The following TBC1D12 variants were observed in gnomAD, a reference collection of about 807,000 sequenced individuals.
TBC1D12 encodes the protein TBC1 domain family member 12.
TBC1D12 carries 56 observed loss-of-function variants against 86.7 expected under a neutral mutation model. The ratio of observed to expected loss-of-function variants is 0.65; its 90% CI spans 0.52 to 0.81. The LOEUF (loss-of-function observed/expected upper bound fraction) is 0.81. Ranked by LOEUF, TBC1D12 falls within the 30% of genes least tolerant of loss-of-function variation. The pLI is 0.00. For missense variants in TBC1D12, 1,023 were observed against 1,038.8 expected, an observed-to-expected ratio of 0.98 and a Z score of 0.21; for synonymous variants, 421 against 411.7, an observed-to-expected ratio of 1.02 and a Z score of -0.27.
At chr10:94,422,247 T>C (rs2055085217) in intron 1 of TBC1D12, among the ~76,000 whole-genome samples, 1 of 146,426 alleles carries the variant, frequency 6.8e-6, no homozygotes, top group Non-Finnish European at 1.5e-5. Context: ...TGGAATGCAG[T>C]GTCGCGATCT....
intron 3 of TBC1D12, among the ~76,000 whole-genome samples, chr10:94,479,377 A>G (rs1361648123): frequency 1.3e-5 from 2 of 152,042 alleles, no homozygotes; most frequent in Non-Finnish European, 2.9e-5. Context: ...ATGAAAAGGG[A>G]TATTGTAATT....
At chr10:94,421,767 T>G (rs2055077075) in intron 1 of TBC1D12, among the ~76,000 whole-genome samples, 1 of 152,258 alleles carries the variant, frequency 6.6e-6, no homozygotes, top group South Asian at 2.1e-4. Flanking sequence ...GGTTTGCATT[T>G]TCTAACAACT....
At chr10:94,410,461 G>A (rs2054915024) in intron 1 of TBC1D12, among the ~76,000 whole-genome samples, 3 of 151,888 alleles carry the variant, frequency 2.0e-5, no homozygotes, top group South Asian at 4.2e-4. Context: ...GGCTGGTGTC[G>A]AACTCCTGAG....
At chr10:94,442,084 T>A in intron 2 of TBC1D12, 65 bp downstream of exon 2, 10 of 187,214 alleles carry the variant, frequency 5.3e-5, no homozygotes, top group Non-Finnish European at 6.1e-5. Context: ...TTCTTCTTCT[T>A]TTTTTTTTTT....
chr10:94,405,800 C>T (rs543188387), intron 1 of TBC1D12, among the ~76,000 whole-genome samples: 4 of 150,044 alleles, frequency 2.7e-5, no homozygotes, highest in South Asian at 4.3e-4. Context: ...ATATACATTG[C>T]AATTTCTGAA....
rs1469759019 is a variant in TBC1D12, at chr10:94,534,605, T to C, written c.*1509T>C. On this transcript the variant is annotated 3_prime_UTR_variant, in exon 13 of 13. Coordinates refer to ENST00000225235, the MANE Select transcript of TBC1D12 (RefSeq NM_015188.2). ...AAGTAGTGCTGCATGATTGAATCAT[T>C]ATTTGATGAATTCTTTCATTGTAAC... 6.6e-6 allele frequency: 1 copy of C among 152,216 alleles called. No homozygotes were observed. Among genetic ancestry groups the C allele is most frequent in the African/African-American group, 2.4e-5 (1 of 41,452 alleles). 9.4% of individuals were successfully genotyped at this position (152,216 alleles called of 1,614,324 possible). A position where few individuals can be genotyped will look rare whatever the true frequency, so the allele number is the denominator to read the frequency against.
At chr10:94,517,106 G>A (rs1393258809) in intron 9 of TBC1D12, among the ~76,000 whole-genome samples, 3 of 152,066 alleles carry the variant, frequency 2.0e-5, no homozygotes, top group African/African-American at 7.2e-5. Context: ...GGCTGCGTGC[G>A]GTGGCTCATG....
intron 2 of TBC1D12, among the ~76,000 whole-genome samples, chr10:94,474,211 C>G (rs1379418840): frequency 6.6e-6 from 1 of 152,002 alleles, no homozygotes; most frequent in Non-Finnish European, 1.5e-5. Flanking sequence ...TAGCTGATAT[C>G]ATAGAAGGCA....
At chr10:94,519,001 G>A (rs551345659) in intron 9 of TBC1D12, among the ~76,000 whole-genome samples, 42 of 152,260 alleles carry the variant, frequency 2.8e-4, no homozygotes, top group Admixed American at 2.3e-3. Flanking sequence ...CTTTAACCTG[G>A]GAGGGGAAGG....
chr10:94,429,538 G>C (rs893303399), intron 1 of TBC1D12, among the ~76,000 whole-genome samples: 1 of 152,138 alleles, frequency 6.6e-6, no homozygotes, highest in Admixed American at 6.6e-5. Context: ...TTTAGAGACA[G>C]TAGTTATACT....
chr10:94,417,989 C>T (rs1243314081), intron 1 of TBC1D12, among the ~76,000 whole-genome samples: 1 of 152,032 alleles, frequency 6.6e-6, no homozygotes, highest in East Asian at 1.9e-4. Context: ...CTCCTGACCT[C>T]GTGATCCGCC....
chr10:94,495,186 G>A (rs2056299417), intron 4 of TBC1D12, among the ~76,000 whole-genome samples: 4 of 151,902 alleles, frequency 2.6e-5, no homozygotes, highest in Admixed American at 1.3e-4. Context: ...ACCAGGCCCA[G>A]CTAATTTTTG....
At chr10:94,512,863 T>C (rs1375472803) in intron 9 of TBC1D12, among the ~76,000 whole-genome samples, 1 of 152,182 alleles carries the variant, frequency 6.6e-6, no homozygotes, top group Non-Finnish European at 1.5e-5. Flanking sequence ...ATGTTAAAGT[T>C]GAAGTTTAAA....
At chr10:94,509,966 TATAA>T in intron 7 of TBC1D12, 121 bp from the exon 8 acceptor site, 1 of 665,540 alleles carries the variant, frequency 1.5e-6, no homozygotes, top group Non-Finnish European at 2.6e-6. Context: ...TGACATTTCT[TATAA>T]TTTCTTGATT....
chr10:94,407,167 G>T (rs931925956), intron 1 of TBC1D12, among the ~76,000 whole-genome samples: 1 of 152,154 alleles, frequency 6.6e-6, no homozygotes, highest in Non-Finnish European at 1.5e-5. Flanking sequence ...AGATATATAG[G>T]AAAAACAGGA....
chr10:94,472,654 A>T (rs2055926058), intron 2 of TBC1D12, among the ~76,000 whole-genome samples: 7 of 152,202 alleles, frequency 4.6e-5, no homozygotes, highest in Admixed American at 2.6e-4. Flanking sequence ...TGAGCAGAAA[A>T]GGGATTTATT....
At chr10:94,500,643 A>T (rs2056383366) in intron 6 of TBC1D12, among the ~76,000 whole-genome samples, 1 of 152,240 alleles carries the variant, frequency 6.6e-6, no homozygotes, top group Non-Finnish European at 1.5e-5. Flanking sequence ...AAAAAAGAAA[A>T]TAGTCAATTA....
At chr10:94,456,320 C>T (rs551139073) in intron 2 of TBC1D12, among the ~76,000 whole-genome samples, 13 of 152,120 alleles carry the variant, frequency 8.5e-5, no homozygotes, top group Admixed American at 3.9e-4. Flanking sequence ...AATACTTTTG[C>T]CTCTAATACT....
intron 3 of TBC1D12, among the ~76,000 whole-genome samples, chr10:94,487,863 G>T (rs73327474): frequency 0.032 from 3,958 of 123,382 alleles, 169 homozygotes; most frequent in African/African-American, 0.1. Flanking sequence ...TACCCAGCTG[G>T]TTTTTTTTTT....
Sources: allele counts gnomAD v4.1 joint callset (sites outside exome capture counted in the v4.1 genomes callset), GRCh38; gene constraint gnomAD v4.1.1; transcripts MANE v1.5; gene names NCBI Gene and HGNC (gene_info 2026-07-23, HGNC 2026-07-21).